Variants in ADAMTS12 observed in about 807,000 individuals in gnomAD.
ADAMTS12 encodes the protein A disintegrin and metalloproteinase with thrombospondin motifs 12.
ADAMTS12 carries 118 observed loss-of-function variants against 167.8 expected under a neutral mutation model. That is an observed-to-expected ratio of 0.70 (90% CI 0.61 to 0.82). The LOEUF is 0.82. Ranked by LOEUF, ADAMTS12 falls within the 40% of genes least tolerant of loss-of-function variation. The pLI is 0.00. For synonymous variants in ADAMTS12, 704 were observed against 716.9 expected, an observed-to-expected ratio of 0.98 and a Z score of 0.29; for missense variants, 1,916 against 1,998.8, an observed-to-expected ratio of 0.96 and a Z score of 0.79.
chr5:33,786,607 C>A (rs562004990), intron 2 of ADAMTS12, among the ~76,000 whole-genome samples: 7 of 152,086 alleles, frequency 4.6e-5, no homozygotes, highest in African/African-American at 1.7e-4. Context: ...AAGCATATTA[C>A]CCCTGAGAAC....
At chr5:33,642,056 C>T (rs1435269468) in intron 10 of ADAMTS12, 101 bp from the exon 11 acceptor site, 1 of 1,271,162 alleles carries the variant, frequency 7.9e-7, no homozygotes, top group Non-Finnish European at 1.1e-6. Flanking sequence ...TGCAAGCAAG[C>T]CGGCTTTCTA....
At chr5:33,564,637 G>C (rs1561128943) in intron 19 of ADAMTS12, among the ~76,000 whole-genome samples, 2 of 152,202 alleles carry the variant, frequency 1.3e-5, no homozygotes, top group Non-Finnish European at 2.9e-5. Flanking sequence ...TTCTAAGCAG[G>C]AGTGGTAACC....
chr5:33,643,707 A>T (rs902023798), intron 9 of ADAMTS12, among the ~76,000 whole-genome samples: 4 of 152,236 alleles, frequency 2.6e-5, no homozygotes, highest in African/African-American at 9.6e-5. Flanking sequence ...ATGAGGGATA[A>T]AACCTATTTT....
chr5:33,559,110 TC>T (rs1214928800), intron 20 of ADAMTS12, among the ~76,000 whole-genome samples: 2 of 152,074 alleles, frequency 1.3e-5, no homozygotes, highest in Non-Finnish European at 2.9e-5. Context: ...TTGCAACACC[TC>T]TGGGTCCTGT....
At chr5:33,655,141 TA>T (rs962103436) in intron 7 of ADAMTS12, among the ~76,000 whole-genome samples, 2 of 152,160 alleles carry the variant, frequency 1.3e-5, no homozygotes, top group African/African-American at 4.8e-5. Context: ...TTCCATGACT[TA>T]TAACTTTCTA....
chr5:33,733,020 T>C (rs1168264259), intron 3 of ADAMTS12, among the ~76,000 whole-genome samples: 1 of 151,426 alleles, frequency 6.6e-6, no homozygotes, highest in Non-Finnish European at 1.5e-5. Flanking sequence ...GGTTTTATTA[T>C]ATATTATATT....
chr5:33,844,335 T>C (rs1748861069), intron 2 of ADAMTS12, among the ~76,000 whole-genome samples: 1 of 152,236 alleles, frequency 6.6e-6, no homozygotes, highest in Admixed American at 6.5e-5. Flanking sequence ...CATATTTCTC[T>C]TCTTTCAAAA....
intron 2 of ADAMTS12, among the ~76,000 whole-genome samples, chr5:33,863,460 A>G (rs963786799): frequency 2.6e-5 from 4 of 152,210 alleles, no homozygotes. Flanking sequence ...CAAAGAGAAT[A>G]AAATACCTAG....
At chr5:33,565,018 T>C (rs1745942274) in intron 19 of ADAMTS12, among the ~76,000 whole-genome samples, 1 of 152,144 alleles carries the variant, frequency 6.6e-6, no homozygotes, top group African/African-American at 2.4e-5. Flanking sequence ...GATTGGGAGA[T>C]AAGTGACTCA....
intron 2 of ADAMTS12, among the ~76,000 whole-genome samples, chr5:33,752,889 G>A (rs7730904): frequency 0.046 from 7,057 of 152,282 alleles, 575 homozygotes; most frequent in African/African-American, 0.16. Context: ...AGCTCTAGAC[G>A]TGGGAGTCTT....
At chr5:33,823,511 T>C (rs1747940387) in intron 2 of ADAMTS12, among the ~76,000 whole-genome samples, 1 of 152,150 alleles carries the variant, frequency 6.6e-6, no homozygotes. Context: ...TACCACATGT[T>C]GGTCTTAGTG....
chr5:33,831,076 C>T (rs985960273), intron 2 of ADAMTS12, among the ~76,000 whole-genome samples: 2 of 152,082 alleles, frequency 1.3e-5, no homozygotes, highest in African/African-American at 4.8e-5. Context: ...AACACACACA[C>T]ATAGCTCCAT....
intron 2 of ADAMTS12, among the ~76,000 whole-genome samples, chr5:33,762,294 G>T (rs1263657954): frequency 1.3e-5 from 2 of 152,224 alleles, no homozygotes; most frequent in East Asian, 3.9e-4. Context: ...GGATCACGAG[G>T]TCAGGAGATC....
At chr5:33,737,955 A>G (rs1199479822) in intron 3 of ADAMTS12, among the ~76,000 whole-genome samples, 1 of 152,226 alleles carries the variant, frequency 6.6e-6, no homozygotes, top group Non-Finnish European at 1.5e-5. Context: ...CAGTAGTAGG[A>G]AAGTAGTCAT....
intron 21 of ADAMTS12, among the ~76,000 whole-genome samples, chr5:33,547,533 G>T (rs1314368154): frequency 6.6e-6 from 1 of 152,122 alleles, no homozygotes; most frequent in Admixed American, 6.5e-5. Context: ...AGCACCACGG[G>T]CAAGGAAAGT....
In ADAMTS12 at chr5:33,881,081, C is replaced by T. The variant is rs1209145321; in HGVS notation, c.489+38G>A. ...GGTCTACCAGCTGAGACTCTAGGGG[C>T]CAGGGCAGAGGAAGGAGATGCCAGA... On this transcript the variant is annotated intron_variant, in intron 2 of 23. Coordinates refer to ENST00000504830, the MANE Select transcript of ADAMTS12 (RefSeq NM_030955.4). The T allele has an allele frequency of 2.0e-5, 32 of 1,598,442 alleles. No individual in the cohort carries two copies. In the East Asian group the frequency reaches 7.1e-4, roughly 36 times the overall value.
At chr5:33,891,487 G>T in intron 1 of ADAMTS12, 1 of 523,920 alleles carries the variant, frequency 1.9e-6, no homozygotes, top group Non-Finnish European at 3.3e-6. Context: ...AAAGACTGCA[G>T]TGTCATCCCT....
At chr5:33,581,146 T>C (rs1747044674) in intron 18 of ADAMTS12, among the ~76,000 whole-genome samples, 1 of 152,238 alleles carries the variant, frequency 6.6e-6, no homozygotes, top group African/African-American at 2.4e-5. Flanking sequence ...CCAACGTGTT[T>C]ATCTCCTTAG....
chr5:33,548,386 T>C (rs1477151150), intron 21 of ADAMTS12, among the ~76,000 whole-genome samples: 2 of 152,182 alleles, frequency 1.3e-5, no homozygotes, highest in Non-Finnish European at 2.9e-5. Flanking sequence ...TCTCAATTTC[T>C]TCCCCTATAA....
Sources: allele counts gnomAD v4.1 joint callset (sites outside exome capture counted in the v4.1 genomes callset), GRCh38; gene constraint gnomAD v4.1.1; transcripts MANE v1.5; gene names NCBI Gene and HGNC (gene_info 2026-07-23, HGNC 2026-07-21).